ST3GAL3: variants seen among roughly 807,000 people sequenced by gnomAD.
ST3GAL3 encodes the protein CMP-N-acetylneuraminate-beta-1,4-galactoside alpha-2,3-sialyltransferase.
In ST3GAL3, 21 loss-of-function variants were observed where a neutral mutation model predicts 50.1. That is an observed-to-expected ratio of 0.42 (90% CI 0.30 to 0.60). The LOEUF (loss-of-function observed/expected upper bound fraction) is 0.60. ST3GAL3 is among the 20% of genes least tolerant of loss of function. The pLI is 0.19. For missense variants in ST3GAL3, 353 were observed against 489.4 expected, an observed-to-expected ratio of 0.72 and a Z score of 2.63; for synonymous variants, 183 against 190.0, an observed-to-expected ratio of 0.96 and a Z score of 0.30.
At chr1:43,732,980 C>CT (rs11320852) in intron 1 of ST3GAL3, among the ~76,000 whole-genome samples, 80 of 143,966 alleles carry the variant, frequency 5.6e-4, no homozygotes, top group Middle Eastern at 3.5e-3. Context: ...ATAAAAAATA[C>CT]TTTTTTTTTT....
At chr1:43,873,811 T>A (rs1007185790) in intron 5 of ST3GAL3, among the ~76,000 whole-genome samples, 1 of 151,050 alleles carries the variant, frequency 6.6e-6, no homozygotes, top group Non-Finnish European at 1.5e-5. Context: ...AATAAATAAA[T>A]AAAATAAAAA....
chr1:43,870,858 C>A (rs2072530782), intron 5 of ST3GAL3, among the ~76,000 whole-genome samples: 1 of 152,106 alleles, frequency 6.6e-6, no homozygotes, highest in South Asian at 2.1e-4. Context: ...TACTAGGGAA[C>A]CCCAAAACTG....
chr1:43,886,539 A>AT (rs1373473663), intron 5 of ST3GAL3, among the ~76,000 whole-genome samples: 1 of 152,250 alleles, frequency 6.6e-6, no homozygotes, highest in East Asian at 1.9e-4. Flanking sequence ...GTAAGAATGC[A>AT]TTTTTTCCAG....
At chr1:43,840,812 C>T (rs2065249033) in intron 5 of ST3GAL3, 1 of 152,148 alleles carries the variant, frequency 6.6e-6, no homozygotes, top group Non-Finnish European at 1.5e-5. Context: ...ATACTAAGTC[C>T]CAAATCTAAA....
chr1:43,717,915 C>G (rs1422000992), intron 1 of ST3GAL3, among the ~76,000 whole-genome samples: 1 of 151,804 alleles, frequency 6.6e-6, no homozygotes, highest in East Asian at 1.9e-4. Flanking sequence ...TCTTGTTGCC[C>G]AGGCTAGAGT....
chr1:43,743,584 G>A, intron 2 of ST3GAL3: 2 of 366,076 alleles, frequency 5.5e-6, no homozygotes, highest in Non-Finnish European at 1.1e-5. Flanking sequence ...TGAATGAGAG[G>A]GTCTGTCAGT....
intron 5 of ST3GAL3, among the ~76,000 whole-genome samples, chr1:43,855,595 G>A (rs2068194382): frequency 6.7e-6 from 1 of 150,036 alleles, no homozygotes; most frequent in African/African-American, 2.5e-5. Context: ...GAGCGACAGA[G>A]CAAGACTCTG....
chr1:43,858,336 C>T, intron 5 of ST3GAL3: 1 of 1,248,072 alleles, frequency 8.0e-7, no homozygotes, highest in South Asian at 1.4e-5. Context: ...AGACCAGACA[C>T]ACTGGTGGGG....
At chr1:43,750,729 C>G (rs72884992) in intron 2 of ST3GAL3, among the ~76,000 whole-genome samples, 11,527 of 148,718 alleles carry the variant, frequency 0.078, 1,452 homozygotes, top group African/African-American at 0.27. Flanking sequence ...GTCTCTACAA[C>G]AAGTAAAAAA....
intron 3 of ST3GAL3, chr1:43,801,564 G>C (rs1310286786): frequency 2.9e-6 from 1 of 343,548 alleles, no homozygotes; most frequent in Non-Finnish European, 5.8e-6. Context: ...TAATACTTAT[G>C]TGCTATACTA....
chr1:43,728,118 G>T (rs892723188), intron 1 of ST3GAL3, among the ~76,000 whole-genome samples: 1 of 152,100 alleles, frequency 6.6e-6, no homozygotes, highest in Non-Finnish European at 1.5e-5. Context: ...GTAAGAACAT[G>T]TGGTATTTGG....
intron 9 of ST3GAL3, chr1:43,912,335 G>C (rs538475136): frequency 6.6e-6 from 1 of 152,162 alleles, no homozygotes; most frequent in Non-Finnish European, 1.5e-5. Context: ...AGGAGAGGAT[G>C]ATGAGACTTA....
chr1:43,899,237 A>G lies in ST3GAL3; in HGVS notation c.531A>G (p.Arg177=). The change falls in exon 8 of 12, where the codon CGA becomes CGG. Residue 177 remains arginine, a synonymous_variant. Transcript: ENST00000347631. This position sits in a 1 kb window ranked among gnomAD's most constrained non-coding sequence, Gnocchi z 5.4. ...GVLANKSLGS[R]IDDYDIVVRL... ...TTGCCAACAAGTCTCTGGGGTCACGAATTGACGACTATGACATTGTGGTGA... is the reference window on the plus strand; with the variant it reads ...TTGCCAACAAGTCTCTGGGGTCACGGATTGACGACTATGACATTGTGGTGA... The G allele has an allele frequency of 6.2e-7, 1 of 1,614,158 alleles. No individual in the cohort carries two copies. The highest frequency in any genetic ancestry group is 8.5e-7 in the Non-Finnish European group (1 of 1,180,028).
chr1:43,818,434 T>A (rs1291084386), intron 4 of ST3GAL3, among the ~76,000 whole-genome samples: 2 of 152,198 alleles, frequency 1.3e-5, no homozygotes, highest in Non-Finnish European at 2.9e-5. Context: ...AGACTGGCAG[T>A]GCCTCCAAGC....
chr1:43,732,166 T>C (rs1054213200), intron 1 of ST3GAL3, among the ~76,000 whole-genome samples: 3 of 152,212 alleles, frequency 2.0e-5, no homozygotes, highest in African/African-American at 7.2e-5. Flanking sequence ...TGCACTGTTA[T>C]TCTCCTGCCC....
intron 11 of ST3GAL3, among the ~76,000 whole-genome samples, chr1:43,921,246 G>A (rs186966924): frequency 6.6e-5 from 10 of 152,222 alleles, no homozygotes; most frequent in South Asian, 2.1e-4. Context: ...CCCAGAGGAC[G>A]CTATTTTCCC....
chr1:43,856,003 A>G (rs562793284), intron 5 of ST3GAL3, among the ~76,000 whole-genome samples: 1 of 152,354 alleles, frequency 6.6e-6, no homozygotes, highest in South Asian at 2.1e-4. Flanking sequence ...ACATTTCACT[A>G]TAGTTGATAA....
rs11210923 is a variant in ST3GAL3 at position 43,794,631 on chromosome 1, T to C, written c.166+2482T>C. 1.7e-3 allele frequency among the ~76,000 whole-genome samples: 253 copies of C among 152,326 alleles called. 2 individuals carry two copies. Among genetic ancestry groups the C allele is most frequent in the African/African-American group, 5.6e-3 (234 of 41,580 alleles). ...TATGCAAGATATGTGTATAAGAATG[T>C]TTATAAGAACATTGTTCATAATTGT... is the stretch of plus-strand genomic sequence containing the variant. On this transcript the variant is annotated intron_variant, in intron 3 of 11. Coordinates refer to ENST00000347631, the MANE Select transcript of ST3GAL3 (RefSeq NM_006279.5).
chr1:43,789,597 A>T (rs907277010), intron 2 of ST3GAL3, among the ~76,000 whole-genome samples: 6 of 152,302 alleles, frequency 3.9e-5, no homozygotes, highest in Admixed American at 6.5e-5. Context: ...TTGGCCAGGC[A>T]TGATGGCTCG....
Sources: gnomAD v4.1 joint callset for allele counts (sites outside exome capture counted in the v4.1 genomes callset) on GRCh38, gnomAD v4.1.1 for gene constraint, Gnocchi (gnomAD v3.1) non-coding constraint, MANE v1.5 for transcripts, NCBI Gene and HGNC (gene_info 2026-07-23, HGNC 2026-07-21) for gene names.